The following KCND2 variants were observed in gnomAD, a reference collection of about 807,000 sequenced individuals.
KCND2 encodes potassium voltage-gated channel subfamily D member 2, also known as A-type voltage-gated potassium channel KCND2.
Under a neutral mutation model 54.4 loss-of-function variants are expected in KCND2, and 16 were observed. That is an observed-to-expected ratio of 0.29 (90% CI 0.20 to 0.45). KCND2 has a LOEUF of 0.45. Ranked by LOEUF, KCND2 falls within the 20% of genes least tolerant of loss-of-function variation. KCND2 has a pLI of 1.00. For synonymous variants in KCND2, 317 were observed against 310.7 expected (o/e 1.02, Z -0.21); for missense variants, 486 against 824.2 (o/e 0.59, Z 5.02).
chr7:120,411,735 A>T (rs1801453004), intron 1 of KCND2, among the ~76,000 whole-genome samples: 2 of 151,994 alleles, frequency 1.3e-5, no homozygotes, highest in Admixed American at 6.6e-5. Context: ...CTTGAGCATC[A>T]TGTAATCTGT....
intron 1 of KCND2, among the ~76,000 whole-genome samples, chr7:120,311,188 C>T (rs932113656): frequency 6.6e-6 from 1 of 152,096 alleles, no homozygotes; most frequent in Non-Finnish European, 1.5e-5. Flanking sequence ...ACATATGCTG[C>T]ATCTTCCTAT....
chr7:120,735,163 GA>G (rs1445935911), intron 2 of KCND2, among the ~76,000 whole-genome samples: 1 of 151,970 alleles, frequency 6.6e-6, no homozygotes, highest in Non-Finnish European at 1.5e-5. Context: ...CATGGATATA[GA>G]GAACTGATCA....
intron 1 of KCND2, among the ~76,000 whole-genome samples, chr7:120,585,733 G>A (rs1792589981): frequency 6.6e-6 from 1 of 152,110 alleles, no homozygotes; most frequent in African/African-American, 2.4e-5. Flanking sequence ...AAGAGAAACA[G>A]GATCACTGAC....
intron 1 of KCND2, among the ~76,000 whole-genome samples, chr7:120,336,270 G>T (rs892700666): frequency 1.3e-5 from 2 of 152,040 alleles, no homozygotes; most frequent in Non-Finnish European, 2.9e-5. Flanking sequence ...CCCCGCTTTC[G>T]CAGTCCCAAT....
At chr7:120,474,676 C>T (rs1238861320) in intron 1 of KCND2, among the ~76,000 whole-genome samples, 1 of 151,984 alleles carries the variant, frequency 6.6e-6, no homozygotes, top group Non-Finnish European at 1.5e-5. Flanking sequence ...GAAGCAGGAG[C>T]ACTCTCTGCC....
At chr7:120,661,255 A>AC (rs1791861769) in intron 1 of KCND2, among the ~76,000 whole-genome samples, 1 of 152,154 alleles carries the variant, frequency 6.6e-6, no homozygotes, top group Admixed American at 6.5e-5. Context: ...TTGAACTGTT[A>AC]TTTTTTTAAA....
intron 1 of KCND2, among the ~76,000 whole-genome samples, chr7:120,416,327 T>C (rs1423181830): frequency 1.3e-5 from 2 of 152,188 alleles, no homozygotes; most frequent in African/African-American, 2.4e-5. Flanking sequence ...TTTTTGCCTC[T>C]ACTTCAAGGG....
intron 1 of KCND2, among the ~76,000 whole-genome samples, chr7:120,362,459 G>A (rs1440253471): frequency 1.3e-5 from 2 of 152,086 alleles, no homozygotes; most frequent in African/African-American, 4.8e-5. Flanking sequence ...TCAAGGCCAG[G>A]ACAGTGGTGA....
intron 1 of KCND2, among the ~76,000 whole-genome samples, chr7:120,536,930 A>G (rs1791919040): frequency 2.6e-5 from 4 of 152,032 alleles, no homozygotes; most frequent in African/African-American, 4.8e-5. Flanking sequence ...TTTTTTCCAG[A>G]TCAACTTCTT....
At chr7:120,315,405 G>C (rs186791206) in intron 1 of KCND2, among the ~76,000 whole-genome samples, 2 of 152,268 alleles carry the variant, frequency 1.3e-5, no homozygotes, top group African/African-American at 4.8e-5. Flanking sequence ...AGGCGGTTAA[G>C]CCCTAAGGGT....
intron 1 of KCND2, among the ~76,000 whole-genome samples, chr7:120,299,864 T>A (rs1353497508): frequency 6.6e-6 from 1 of 152,122 alleles, no homozygotes; most frequent in Non-Finnish European, 1.5e-5. Flanking sequence ...GATCCAGAGG[T>A]TTTTGACAGA....
intron 1 of KCND2, among the ~76,000 whole-genome samples, chr7:120,349,193 C>G (rs993245764): frequency 2.6e-5 from 4 of 152,104 alleles, no homozygotes; most frequent in African/African-American, 9.7e-5. Context: ...CTATGGAAGA[C>G]TCACCATGCT....
intron 1 of KCND2, among the ~76,000 whole-genome samples, chr7:120,682,963 A>G (rs1333534958): frequency 1.3e-5 from 2 of 152,162 alleles, no homozygotes; most frequent in Non-Finnish European, 2.9e-5. Context: ...CTTGCAAAGA[A>G]TAAAGGTCAG....
In KCND2 at chr7:120,278,983, C is replaced by T. The variant is rs1480339843; in HGVS notation, c.1115+3236C>T. Reference sequence around the variant, plus strand: ...TCACCCTTTTATCCACCCGGCTCCCCTTTCCATAATGTAAACTCTAGTTAC... The same window carrying T: ...TCACCCTTTTATCCACCCGGCTCCCTTTTCCATAATGTAAACTCTAGTTAC... On this transcript the variant is annotated intron_variant, in intron 1 of 5. Transcript: ENST00000331113. 2.0e-5 allele frequency among the ~76,000 whole-genome samples: 3 copies of T among 151,968 alleles called. No individual in the cohort carries two copies. In the East Asian group the frequency reaches 5.8e-4, roughly 29 times the overall value.
intron 1 of KCND2, among the ~76,000 whole-genome samples, chr7:120,601,501 G>C (rs779641256): frequency 1.5e-4 from 23 of 152,100 alleles, no homozygotes; most frequent in Non-Finnish European, 2.8e-4. Context: ...CAGTTTTGAA[G>C]ACACAGCTGA....
At chr7:120,445,544 C>T (rs1802007973) in intron 1 of KCND2, among the ~76,000 whole-genome samples, 2 of 152,070 alleles carry the variant, frequency 1.3e-5, no homozygotes, top group South Asian at 4.1e-4. Flanking sequence ...TGGAATTACT[C>T]CTTCATAAGA....
At chr7:120,446,497 G>T (rs1007622619) in intron 1 of KCND2, among the ~76,000 whole-genome samples, 2 of 151,970 alleles carry the variant, frequency 1.3e-5, no homozygotes, top group East Asian at 1.9e-4. Flanking sequence ...GAGTGTAATT[G>T]TTCCAGCATA....
At chr7:120,486,927 G>C (rs1324959221) in intron 1 of KCND2, among the ~76,000 whole-genome samples, 2 of 152,004 alleles carry the variant, frequency 1.3e-5, no homozygotes, top group Non-Finnish European at 2.9e-5. Context: ...TAAAAAATCA[G>C]AGCTACAAAG....
chr7:120,728,621 A>G (rs181004796), intron 1 of KCND2, among the ~76,000 whole-genome samples: 2 of 151,930 alleles, frequency 1.3e-5, no homozygotes, highest in East Asian at 1.9e-4. Flanking sequence ...TTCATTCTTT[A>G]TTTTCTTAGG....
Sources: allele counts gnomAD v4.1 joint callset (sites outside exome capture counted in the v4.1 genomes callset), GRCh38; gene constraint gnomAD v4.1.1; transcripts MANE v1.5; gene names NCBI Gene and HGNC (gene_info 2026-07-23, HGNC 2026-07-21).